The following CFAP47 variants were observed in gnomAD, a reference collection of about 807,000 sequenced individuals.
CFAP47 encodes cilia and flagella associated protein 47.
Under a neutral mutation model 148.1 loss-of-function variants are expected in CFAP47, and 29 were observed. The ratio of observed to expected loss-of-function variants is 0.20; its 90% CI spans 0.15 to 0.27. The LOEUF is 0.27. Ranked by LOEUF, CFAP47 falls within the 10% of genes least tolerant of loss-of-function variation. CFAP47 has a pLI of 1.00. For missense variants in CFAP47, 1,872 were observed against 1,697.5 expected (o/e 1.10, Z -1.81); for synonymous variants, 664 against 577.3 (o/e 1.15, Z -2.15).
rs1243042806 is a variant in CFAP47, at chrX:36,319,373, T to G, written c.8443+66T>G. 8 of 475,574 alleles carry G rather than the reference T, an allele frequency of 1.7e-5. No individual in the cohort carries two copies. In the African/African-American group the frequency reaches 2.0e-4, roughly 12 times the overall value. 39.2% of individuals were successfully genotyped at this position (475,574 alleles called of 1,213,427 possible). On this transcript the variant is annotated intron_variant, in intron 57 of 63. Transcript: ENST00000378653. ...GTTGCATTTCAGAGATAATGAAATA[T>G]ATGTCTGTTGCCTTAGTAAATATTT...
At chrX:36,070,215 C>A (rs1002787962) in intron 27 of CFAP47, among the ~76,000 whole-genome samples, 4 of 112,119 alleles carry the variant, frequency 3.6e-5, no homozygotes, top group African/African-American at 6.5e-5. Context: ...ATCTTCACAA[C>A]AAACTCATGA....
intron 29 of CFAP47, 52 bp from the exon 30 acceptor site, chrX:36,085,262 C>T: frequency 5.2e-6 from 4 of 765,169 alleles, no homozygotes; most frequent in Non-Finnish European, 7.8e-6. Context: ...TTTTTTTCCC[C>T]CATACTATAA....
intron 37 of CFAP47, among the ~76,000 whole-genome samples, chrX:36,157,302 T>C (rs775044335): frequency 9.8e-5 from 11 of 112,670 alleles, no homozygotes; most frequent in Non-Finnish European, 1.9e-4. Flanking sequence ...ATGCTTAACA[T>C]GGTCCAAAGT....
In CFAP47 at chrX:36,235,449, G is replaced by A. The variant is rs781843212; in HGVS notation, c.7015-485G>A. Among the ~76,000 whole-genome samples the A allele has an allele frequency of 1.2e-4, 13 of 112,447 alleles. No homozygotes were observed. In the South Asian group the frequency reaches 1.5e-3, roughly 13 times the overall value. ...GGTGGGGGATATAATCTCCTGGTGC[G>A]CCATTTTTTTAAGCCTGTGGAAAAG... On this transcript the variant is annotated intron_variant, in intron 46 of 63. Coordinates refer to ENST00000378653, the MANE Select transcript of CFAP47 (RefSeq NM_001304548.2).
rs1245551011 is a variant in CFAP47, at chrX:35,919,946, C to T, written c.147C>T (p.Phe49=). ...GGGTGATCCCGGCTGAGGTGAAGTT[C>T]CTGGACACGATGGCCGGGAGGGTGT... ...QLRVIPAEVK[F]LDTMAGRVYR... Residue 49 remains phenylalanine, a synonymous_variant, in exon 1 of 64, where the codon TTC becomes TTT. Coordinates refer to ENST00000378653, the MANE Select transcript of CFAP47 (RefSeq NM_001304548.2). The T allele has an allele frequency of 8.3e-7, 1 of 1,211,050 alleles. No individual in the cohort carries two copies. The highest frequency in any genetic ancestry group is 1.1e-6 in the Non-Finnish European group (1 of 895,240).
intron 31 of CFAP47, 91 bp downstream of exon 31, chrX:36,098,965 G>C: frequency 2.6e-6 from 1 of 384,508 alleles, no homozygotes; most frequent in Non-Finnish European, 4.4e-6. Flanking sequence ...ACTTCAGACT[G>C]TTGAGTTTTA....
intron 57 of CFAP47, among the ~76,000 whole-genome samples, chrX:36,328,739 A>G (rs1358747225): frequency 6.8e-5 from 7 of 103,279 alleles, no homozygotes; most frequent in South Asian, 4.8e-4. Context: ...GAACCCGGGA[A>G]GCGGAGCTTG....
intron 62 of CFAP47, among the ~76,000 whole-genome samples, chrX:36,371,538 T>TATAC (rs1556021352): frequency 9.5e-6 from 1 of 105,354 alleles, no homozygotes; most frequent in Non-Finnish European, 2.0e-5. Context: ...TATATATGTG[T>TATAC]ATACATATGT....
intron 39 of CFAP47, among the ~76,000 whole-genome samples, chrX:36,176,960 A>C (rs1337296119): frequency 8.9e-6 from 1 of 112,364 alleles, no homozygotes; most frequent in African/African-American, 3.2e-5. Flanking sequence ...AAGCATCTTA[A>C]GAACTTGTTT....
At chrX:35,986,713 T>C (rs1032651314) in intron 15 of CFAP47, among the ~76,000 whole-genome samples, 1 of 111,223 alleles carries the variant, frequency 9.0e-6, no homozygotes, top group African/African-American at 3.3e-5. Context: ...TTTTCAGCCT[T>C]TTTGCACTGA....
At chrX:35,992,504 C>A (rs1419264406) in intron 17 of CFAP47, among the ~76,000 whole-genome samples, 4 of 110,698 alleles carry the variant, frequency 3.6e-5, no homozygotes, top group Non-Finnish European at 7.6e-5. Flanking sequence ...TTTTTCTGCC[C>A]AAATTAAGTC....
intron 11 of CFAP47, among the ~76,000 whole-genome samples, 161 bp downstream of exon 11, chrX:35,971,084 T>C (rs866908405): frequency 8.9e-6 from 1 of 111,862 alleles, no homozygotes; most frequent in Non-Finnish European, 1.9e-5. Flanking sequence ...CAATTATTTC[T>C]TTTGTTACCT....
chrX:36,174,351 A>C (rs1939635520), intron 39 of CFAP47, among the ~76,000 whole-genome samples: 1 of 108,889 alleles, frequency 9.2e-6, no homozygotes, highest in South Asian at 4.1e-4. Context: ...TTATGATGTT[A>C]GCTGGTTATT....
chrX:36,237,608 G>A (rs1186638006), intron 48 of CFAP47, among the ~76,000 whole-genome samples: 1 of 112,179 alleles, frequency 8.9e-6, no homozygotes, highest in Non-Finnish European at 1.9e-5. Context: ...GGGATTACAG[G>A]CATGAGCCAC....
At chrX:35,983,572 G>T (rs750351488) in intron 15 of CFAP47, among the ~76,000 whole-genome samples, 17 of 111,675 alleles carry the variant, frequency 1.5e-4, no homozygotes, top group Admixed American at 1.9e-4. Context: ...TCAGCATGAT[G>T]TTGGCTGTGG....
chrX:36,365,107 C>T (rs782547135), intron 61 of CFAP47, among the ~76,000 whole-genome samples: 9 of 107,528 alleles, frequency 8.4e-5, no homozygotes, highest in African/African-American at 2.3e-4. Flanking sequence ...GTGGAGAAAC[C>T]GGTTCTTGAA....
intron 18 of CFAP47, among the ~76,000 whole-genome samples, chrX:35,996,853 C>T (rs1321989849): frequency 1.8e-5 from 2 of 111,419 alleles, no homozygotes; most frequent in Non-Finnish European, 3.8e-5. Flanking sequence ...AAAAGGATTT[C>T]ACTGTACTTG....
chrX:36,076,616 C>T, intron 29 of CFAP47, among the ~76,000 whole-genome samples: 1 of 110,883 alleles, frequency 9.0e-6, no homozygotes, highest in African/African-American at 3.3e-5. Flanking sequence ...TGTTTCAGTT[C>T]CTTCTAGGTT....
intron 20 of CFAP47, among the ~76,000 whole-genome samples, chrX:36,000,953 G>T (rs762863129): frequency 3.5e-4 from 39 of 111,521 alleles, no homozygotes; most frequent in Non-Finnish European, 7.0e-4. Context: ...AGACCCATTT[G>T]TTTGTATAAT....
Sources: gnomAD v4.1 joint callset for allele counts (sites outside exome capture counted in the v4.1 genomes callset) on GRCh38, gnomAD v4.1.1 for gene constraint, MANE v1.5 for transcripts, NCBI Gene and HGNC (gene_info 2026-07-23, HGNC 2026-07-21) for gene names.